The following GRM6 variants were observed in gnomAD, a reference collection of about 807,000 sequenced individuals.
GRM6 encodes metabotropic glutamate receptor 6.
Under a neutral mutation model 78.4 loss-of-function variants are expected in GRM6, and 73 were observed. The observed-to-expected ratio is 0.93, with a 90% CI of 0.77 to 1.13. The LOEUF is 1.13. Ranked by LOEUF, GRM6 falls within the 50% of genes most tolerant of loss-of-function variation. The pLI is 0.00. For synonymous variants in GRM6, 580 were observed against 555.0 expected (o/e 1.05, Z -0.63); for missense variants, 1,251 against 1,256.4 (o/e 1.00, Z 0.07).
At chr5:178,985,583 G>T (rs544263083) in intron 9 of GRM6, 1 of 348,050 alleles carries the variant, frequency 2.9e-6, no homozygotes, top group Non-Finnish European at 5.6e-6. Flanking sequence ...GGCGCCTGTA[G>T]TCCCAGCTAC....
chr5:178,985,567 G>A (rs547621346), intron 9 of GRM6: 63 of 339,200 alleles, frequency 1.9e-4, no homozygotes, highest in Admixed American at 6.9e-4. Flanking sequence ...GCCGGGCGTG[G>A]TGGCGGGCGC....
Position 178,989,013 on chromosome 5 carries a change from GC to G in GRM6, c.1275del (p.His426ThrfsTer33). 1 of 1,614,000 alleles carries G rather than the reference GC, an allele frequency of 6.2e-7. No individual in the cohort carries two copies. The highest frequency in any genetic ancestry group is 8.5e-7 in the Non-Finnish European group (1 of 1,179,900). On this transcript the variant is annotated frameshift_variant, in exon 7 of 11. Transcript: ENST00000517717. LOFTEE classifies it high-confidence loss of function. ...LHSMHQALCP[G>X]HTGLCPAMEP... ...TCCATCGCCGGGCACAGGCCTGTGT[GC>G]CCAGGGCAGAGCGCCTGGTGCATGC...
Position 178,981,330 on chromosome 5 carries a change from A to C in GRM6, c.*327T>G, listed in dbSNP as rs1760390902. On this transcript the variant is annotated 3_prime_UTR_variant, in exon 11 of 11. Transcript: ENST00000517717. This position sits in a 1 kb window ranked among gnomAD's most constrained non-coding sequence, Gnocchi z 5.1. The stretch of plus-strand genomic sequence containing the variant: ...GGAGGAAATCTCCCGCAAACCAGGC[A>C]AAGCCCAGGGCTTCATCATCCTCTT... 1 of 301,882 alleles carries C rather than the reference A, an allele frequency of 3.3e-6. No homozygotes were observed. Among genetic ancestry groups the C allele is most frequent in the Non-Finnish European group, 6.3e-6 (1 of 159,258 alleles). 18.7% of individuals were successfully genotyped at this position (301,882 alleles called of 1,614,324 possible).
intron 5 of GRM6, among the ~76,000 whole-genome samples, chr5:178,990,334 G>A (rs1320799947): frequency 6.6e-6 from 1 of 152,198 alleles, no homozygotes; most frequent in African/African-American, 2.4e-5. Flanking sequence ...AGAAATACAG[G>A]CACTAAATTA....
In GRM6 at chr5:178,994,518, C is replaced by A; in HGVS notation, c.427G>T (p.Glu143Ter). 7.1e-7 allele frequency: 1 copy of A among 1,402,116 alleles called. No homozygotes were observed. Among genetic ancestry groups the A allele is most frequent in the Non-Finnish European group, 9.2e-7 (1 of 1,084,314 alleles). 86.9% of individuals were successfully genotyped at this position (1,402,116 alleles called of 1,614,324 possible). A position where few individuals can be genotyped will look rare whatever the true frequency, so the allele number is the denominator to read the frequency against. ...GCGCCCACGACGGCCACGACGCGCT[C>A]GGGGGGCGCGGGGCGCAGCGGAGGG... ...GVPPLRPAPP[E>*]RVVAVVGASA... The change falls in exon 2 of 11, where the codon GAG (glutamate) becomes TAG (stop). Residue 143 changes from glutamate to a stop codon, truncating the protein, a stop_gained. Transcript: ENST00000517717. LOFTEE classifies it high-confidence loss of function.
intron 9 of GRM6, chr5:178,985,406 A>T: frequency 2.3e-5 from 4 of 170,622 alleles, no homozygotes; most frequent in African/African-American, 3.4e-5. Context: ...TGTGGCCTTA[A>T]AAAAAAAAAA....
At chr5:178,989,211 A>AGCCCC in intron 6 of GRM6, 54 bp downstream of exon 6, 1 of 121,724 alleles carries the variant, frequency 8.2e-6, no homozygotes, top group Non-Finnish European at 1.3e-5. Flanking sequence ...CCCCCTCCCC[A>AGCCCC]CCCTCACCAC....
Position 178,991,300 on chromosome 5 carries a change from G to C in GRM6, c.857+124C>G, listed in dbSNP as rs1760666063. ...AGACTCAGAGGCAGCAGCAGGGAAG[G>C]TGGGGGGTGCGGGGAGCAGGGGAAA... On this transcript the variant is annotated intron_variant, in intron 4 of 10. Transcript: ENST00000517717. The surrounding 1 kb of genome is among the most constrained non-coding windows in gnomAD (Gnocchi z 5.0). 1 of 884,714 alleles carries C rather than the reference G, an allele frequency of 1.1e-6. No homozygotes were observed. Among genetic ancestry groups the C allele is most frequent in the East Asian group, 2.5e-5 (1 of 39,890 alleles). The allele number at this position is 884,714 out of a possible 1,614,324, so 54.8% of individuals were successfully genotyped here. A position where few individuals can be genotyped will look rare whatever the true frequency, so the allele number is the denominator to read the frequency against.
At position 178,981,521 on chromosome 5, in the gene GRM6, C is replaced by T. The variant is rs1760394087; in HGVS notation, c.*136G>A. The T allele has an allele frequency of 1.5e-6, 1 of 670,274 alleles. No homozygotes were observed. Among genetic ancestry groups the T allele is most frequent in the Non-Finnish European group, 2.6e-6 (1 of 385,820 alleles). 41.5% of individuals were successfully genotyped at this position (670,274 alleles called of 1,614,324 possible). Reference sequence around the variant, plus strand: ...TCCAGTTCCTTCTCAAGGCCAGCCCCACCGACGCGGAGCATGGTCTTGGCA... The same window carrying T: ...TCCAGTTCCTTCTCAAGGCCAGCCCTACCGACGCGGAGCATGGTCTTGGCA... On this transcript the variant is annotated 3_prime_UTR_variant, in exon 11 of 11. Coordinates refer to ENST00000517717, the MANE Select transcript of GRM6 (RefSeq NM_000843.4). This position sits in a 1 kb window ranked among gnomAD's most constrained non-coding sequence, Gnocchi z 5.1.
chr5:178,985,169 C>T, intron 9 of GRM6: 3 of 427,978 alleles, frequency 7.0e-6, no homozygotes, highest in South Asian at 5.1e-5. Context: ...CAGAGACTCC[C>T]TTGTGGAAAC....
chr5:178,983,238 T>C lies in GRM6; in HGVS notation c.2125-17A>G. On this transcript the variant is annotated splice_polypyrimidine_tract_variant and intron_variant, in intron 9 of 10. Coordinates refer to ENST00000517717, the MANE Select transcript of GRM6 (RefSeq NM_000843.4). ...CCCCACCACCTGCAGGAGCCAACAC[T>C]GCATCAGACACAGCACTTTCCAGGG... 1 of 1,602,440 alleles carries C rather than the reference T, an allele frequency of 6.2e-7. No individual in the cohort carries two copies. The highest frequency in any genetic ancestry group is 8.5e-7 in the Non-Finnish European group (1 of 1,171,886).
chr5:178,983,632 C>G, intron 9 of GRM6: 1 of 375,986 alleles, frequency 2.7e-6, no homozygotes, highest in Non-Finnish European at 5.3e-6. Context: ...CCTCTCTAGC[C>G]TCCTCACGTG....
chr5:178,982,717 A>T, intron 10 of GRM6, 193 bp downstream of exon 10: 2 of 541,890 alleles, frequency 3.7e-6, no homozygotes, highest in Middle Eastern at 5.0e-4. Flanking sequence ...AAAAAAGAAG[A>T]GTGGAAGTTA....
In GRM6 at chr5:178,981,450, G is replaced by A. The variant is rs915248771; in HGVS notation, c.*207C>T. 9 of 584,018 alleles carry A rather than the reference G, an allele frequency of 1.5e-5. No homozygotes were observed. In the Admixed American group the frequency reaches 2.1e-4, roughly 14 times the overall value. 36.2% of individuals were successfully genotyped at this position (584,018 alleles called of 1,614,324 possible). ...CCATGGGAAGCGAGTCTGGTCTGTG[G>A]TGAGGAAGCATGAAGCTCACATGCT... On this transcript the variant is annotated 3_prime_UTR_variant, in exon 11 of 11. Coordinates refer to ENST00000517717, the MANE Select transcript of GRM6 (RefSeq NM_000843.4). This position sits in a 1 kb window ranked among gnomAD's most constrained non-coding sequence, Gnocchi z 5.1.
At position 178,991,768 on chromosome 5, in the gene GRM6, G is replaced by A. The variant is rs1418544899; in HGVS notation, c.721+99C>T. 1 of 1,200,648 alleles carries A rather than the reference G, an allele frequency of 8.3e-7. No homozygotes were observed. The highest frequency in any genetic ancestry group is 1.9e-5 in the Admixed American group (1 of 53,796). The allele number at this position is 1,200,648 out of a possible 1,614,324, so 74.4% of individuals were successfully genotyped here. On this transcript the variant is annotated intron_variant, in intron 3 of 10. Coordinates refer to ENST00000517717, the MANE Select transcript of GRM6 (RefSeq NM_000843.4). The surrounding 1 kb of genome is among the most constrained non-coding windows in gnomAD (Gnocchi z 5.0). ...GCACCAGCCAGGCAACCTCGGCCCA[G>A]CATGGACCTGGGCCCCCCATCTTTC...
In GRM6 at chr5:178,994,815, G is replaced by A; in HGVS notation, c.130C>T (p.Leu44=). ...GCGCCCCGCGCGTGCACCGGGAACA[G>A]GCCGCCCAGCGTCAGGCCGCCCGCC... ...RLAGGLTLGG[L]FPVHARGAAG... The change falls in exon 2 of 11, where the codon CTG becomes TTG. Residue 44 remains leucine (L), a synonymous_variant. Transcript: ENST00000517717. The A allele has an allele frequency of 7.9e-7, 1 of 1,265,238 alleles. No individual in the cohort carries two copies. The highest frequency in any genetic ancestry group is 3.8e-5 in the Admixed American group (1 of 25,998). 78.4% of individuals were successfully genotyped at this position (1,265,238 alleles called of 1,614,324 possible).
chr5:178,986,557 G>A lies in GRM6; in HGVS notation c.1697C>T (p.Pro566Leu). 6.2e-7 allele frequency: 1 copy of A among 1,608,090 alleles called. No individual in the cohort carries two copies. Among genetic ancestry groups the A allele is most frequent in the Non-Finnish European group, 8.5e-7 (1 of 1,179,438 alleles). Residue 566 changes from proline to leucine, a missense_variant, in exon 9 of 11, where the codon CCC (proline) becomes CTC (leucine). By Grantham distance (98) the Pro-to-Leu change is moderately conservative. Coordinates refer to ENST00000517717, the MANE Select transcript of GRM6 (RefSeq NM_000843.4). The part of the protein sequence containing the change: ...EACPGDMRPT[P>L]NHTGCRPTPV... ...TGTGGGGCGGCAGCCCGTGTGGTTG[G>A]GCGTGGGCCTCATGTCCCCAGGACA...
intron 9 of GRM6, 137 bp downstream of exon 9, chr5:178,985,993 C>T (rs1298268615): frequency 2.6e-6 from 2 of 766,524 alleles, no homozygotes; most frequent in African/African-American, 1.8e-5. Context: ...AACTCCTGGA[C>T]TCAGGTGATC....
chr5:178,979,527 G>C lies in GRM6; in HGVS notation c.*2130C>G, dbSNP rs1760347027. ...GGTGCATCAGAGTTCCTGCCAGAGAGGCCCACAGGCATGAACATGGCAGAG... is the reference window on the plus strand; with the variant it reads ...GGTGCATCAGAGTTCCTGCCAGAGACGCCCACAGGCATGAACATGGCAGAG... On this transcript the variant is annotated 3_prime_UTR_variant, in exon 11 of 11. Coordinates refer to ENST00000517717, the MANE Select transcript of GRM6 (RefSeq NM_000843.4). 1 of 152,208 alleles carries C rather than the reference G, an allele frequency of 6.6e-6. No homozygotes were observed. The highest frequency in any genetic ancestry group is 2.1e-4 in the South Asian group (1 of 4,822). The allele number at this position is 152,208 out of a possible 1,614,324, so 9.4% of individuals were successfully genotyped here. A position where few individuals can be genotyped will look rare whatever the true frequency, so the allele number is the denominator to read the frequency against.
Sources: gnomAD v4.1 joint callset for allele counts (sites outside exome capture counted in the v4.1 genomes callset) on GRCh38, gnomAD v4.1.1 for gene constraint, Gnocchi (gnomAD v3.1) non-coding constraint, MANE v1.5 for transcripts, NCBI Gene and HGNC (gene_info 2026-07-23, HGNC 2026-07-21) for gene names.